Variants in C1orf185 observed in about 807,000 individuals in gnomAD.
C1orf185 encodes the protein chromosome 1 open reading frame 185.
In C1orf185, 13 loss-of-function variants were observed where a neutral mutation model predicts 16.1. The ratio of observed to expected loss-of-function variants is 0.81; its 90% CI spans 0.53 to 1.28. The LOEUF is 1.28. C1orf185 is among the 50% of genes most tolerant of loss of function. The pLI, the probability that C1orf185 is intolerant of heterozygous loss-of-function variation, is 0.00. For missense variants in C1orf185, 220 were observed against 225.2 expected, an observed-to-expected ratio of 0.98 and a Z score of 0.15; for synonymous variants, 80 against 76.9, an observed-to-expected ratio of 1.04 and a Z score of -0.21.
chr1:51,128,600 G>A (rs970452640), intron 3 of C1orf185, among the ~76,000 whole-genome samples: 1 of 152,226 alleles, frequency 6.6e-6, no homozygotes, highest in East Asian at 2.0e-4. Flanking sequence ...GGCTGAGGCA[G>A]GATAATCGCT....
chr1:51,125,666 A>G (rs1210021326), intron 3 of C1orf185, among the ~76,000 whole-genome samples: 1 of 152,176 alleles, frequency 6.6e-6, no homozygotes, highest in Non-Finnish European at 1.5e-5. Context: ...CTTTTTAGAA[A>G]AGAAAAAGCT....
chr1:51,135,106 A>G (rs948507218), intron 3 of C1orf185, among the ~76,000 whole-genome samples: 1 of 152,246 alleles, frequency 6.6e-6, no homozygotes, highest in Admixed American at 6.5e-5. Flanking sequence ...TCAACAAAAT[A>G]CTGGCAAACC....
At chr1:51,118,515 A>G in intron 2 of C1orf185, 151 bp from the exon 3 acceptor site, 1 of 438,840 alleles carries the variant, frequency 2.3e-6, no homozygotes, top group Non-Finnish European at 3.9e-6. Flanking sequence ...AGTAGGGAGT[A>G]TGTAAATTGA....
intron 3 of C1orf185, among the ~76,000 whole-genome samples, chr1:51,125,174 A>C (rs1388347002): frequency 1.3e-5 from 2 of 152,234 alleles, no homozygotes; most frequent in South Asian, 2.1e-4. Flanking sequence ...TATAAACTTT[A>C]CTAGAAGGTT....
chr1:51,103,336 T>C (rs1557640548), intron 1 of C1orf185, among the ~76,000 whole-genome samples: 1 of 150,958 alleles, frequency 6.6e-6, no homozygotes, highest in Admixed American at 6.7e-5. Flanking sequence ...GGCCCAGGAC[T>C]TTGAGACTAC....
chr1:51,130,979 A>G (rs1646279004), intron 3 of C1orf185, among the ~76,000 whole-genome samples: 1 of 152,038 alleles, frequency 6.6e-6, no homozygotes, highest in South Asian at 2.1e-4. Context: ...CTTGGCTCAC[A>G]GCAACCTCCA....
At chr1:51,145,143 TA>T (rs1227205969) in intron 3 of C1orf185, among the ~76,000 whole-genome samples, 4 of 151,976 alleles carry the variant, frequency 2.6e-5, no homozygotes, top group African/African-American at 7.2e-5. Flanking sequence ...TTATTTGCTA[TA>T]AAAAAATATT....
At chr1:51,128,750 T>C (rs928509438) in intron 3 of C1orf185, among the ~76,000 whole-genome samples, 4 of 152,188 alleles carry the variant, frequency 2.6e-5, no homozygotes, top group African/African-American at 9.6e-5. Context: ...ATTTCCCTGA[T>C]GACTAAAGAC....
At chr1:51,111,484 C>T (rs527895868) in intron 1 of C1orf185, among the ~76,000 whole-genome samples, 33 of 151,188 alleles carry the variant, frequency 2.2e-4, no homozygotes, top group African/African-American at 7.8e-4. Flanking sequence ...GCAATCCTCC[C>T]GCCTCAGCCT....
At chr1:51,147,006 T>C (rs952262136) in intron 4 of C1orf185, among the ~76,000 whole-genome samples, 1 of 152,146 alleles carries the variant, frequency 6.6e-6, no homozygotes, top group East Asian at 1.9e-4. Flanking sequence ...GTAGAAACTA[T>C]GTATATTACA....
At chr1:51,128,410 A>ACGGCATTTAAATGTGCTTTTAG (rs142355453) in intron 3 of C1orf185, among the ~76,000 whole-genome samples, 1 of 151,966 alleles carries the variant, frequency 6.6e-6, no homozygotes, top group African/African-American at 2.4e-5. Context: ...GTGGGTGTAA[A>ACGGCATTTAAATGTGCTTTTAG]GCCAGGCACA....
chr1:51,120,012 C>T (rs1004764110), intron 3 of C1orf185, among the ~76,000 whole-genome samples: 11 of 152,084 alleles, frequency 7.2e-5, no homozygotes, highest in Non-Finnish European at 1.6e-4. Flanking sequence ...GAGGGCTTCA[C>T]AGAGAAGACA....
rs1284502889 is a variant in C1orf185, at chr1:51,112,505, G to A, written c.58G>A (p.Val20Ile). The A allele has an allele frequency of 6.4e-7, 1 of 1,550,786 alleles. No homozygotes were observed. Among genetic ancestry groups the A allele is most frequent in the Non-Finnish European group, 8.7e-7 (1 of 1,146,690 alleles). ...YLTYFLAAGA[V>I]TLGIGFFALA... is the part of the protein sequence containing the mutation. ...GACCTATTTTCTTGCTGCTGGTGCT[G>A]TCACTTTGGGAATTGGTTTCTTTGC... The change falls in exon 2 of 5, where the codon GTC becomes ATC. Residue 20 changes from valine to isoleucine, a missense_variant. Physicochemically the swap from Val to Ile is conservative, Grantham distance 29. Coordinates refer to ENST00000371759, the MANE Select transcript of C1orf185 (RefSeq NM_001136508.2).
intron 1 of C1orf185, among the ~76,000 whole-genome samples, chr1:51,103,582 G>A (rs1168884134): frequency 6.8e-6 from 1 of 146,688 alleles, no homozygotes; most frequent in Non-Finnish European, 1.5e-5. Flanking sequence ...CACCCAGGCT[G>A]GAGTGCAGTG....
chr1:51,150,047 T>C (rs9887881), downstream of C1orf185, among the ~76,000 whole-genome samples: 6,968 of 152,238 alleles, frequency 0.046, 188 homozygotes, highest in African/African-American at 0.056. Flanking sequence ...ATCCCCCTTT[T>C]GGTATAAACT....
chr1:51,128,152 G>A (rs1646255811), intron 3 of C1orf185, among the ~76,000 whole-genome samples: 1 of 151,812 alleles, frequency 6.6e-6, no homozygotes, highest in Non-Finnish European at 1.5e-5. Flanking sequence ...GCCTCCCGAA[G>A]CACTGGGATT....
In C1orf185 at chr1:51,147,673, C is replaced by T; in HGVS notation, c.502C>T (p.Pro168Ser). The T allele has an allele frequency of 6.4e-7, 1 of 1,551,320 alleles. No individual in the cohort carries two copies. The highest frequency in any genetic ancestry group is 8.7e-7 in the Non-Finnish European group (1 of 1,146,778). ...DSLVKRNSPM[P>S]SLGEPLMEKV... is the part of the protein sequence containing the mutation. ...TCTAGTGAAAAGGAACTCTCCAATG[C>T]CTTCTCTCGGGGAACCTCTAATGGA... The change falls in exon 5 of 5, where the codon CCT becomes TCT. Residue 168 changes from proline (P) to serine (S), a missense_variant. Pro to Ser is a moderately conservative substitution (Grantham distance 74). Transcript: ENST00000371759.
chr1:51,136,470 C>T (rs996340413), intron 3 of C1orf185, among the ~76,000 whole-genome samples: 9 of 151,698 alleles, frequency 5.9e-5, no homozygotes, highest in African/African-American at 1.9e-4. Context: ...ACAAAGCTGG[C>T]GGCATCACAC....
intron 3 of C1orf185, 44 bp from the exon 4 acceptor site, chr1:51,145,680 A>C (rs1020693431): frequency 2.7e-6 from 3 of 1,108,518 alleles, no homozygotes; most frequent in Admixed American, 3.3e-5. Flanking sequence ...AGTTATATAA[A>C]AATTATTCTG....
Sources: allele counts gnomAD v4.1 joint callset (sites outside exome capture counted in the v4.1 genomes callset), GRCh38; gene constraint gnomAD v4.1.1; transcripts MANE v1.5; gene names NCBI Gene and HGNC (gene_info 2026-07-23, HGNC 2026-07-21).